The following CENPV variants were observed in gnomAD, a reference collection of about 807,000 sequenced individuals.
CENPV encodes centromere protein V, also known as nuclear protein p30.
A neutral mutation model predicts 26.4 loss-of-function variants in CENPV; 15 were observed. The observed-to-expected ratio is 0.57, with a 90% CI of 0.38 to 0.88. The LOEUF (loss-of-function observed/expected upper bound fraction) is 0.88. CENPV is among the 40% of genes least tolerant of loss of function. The pLI is 0.00. For missense variants in CENPV, 336 were observed against 376.5 expected, an observed-to-expected ratio of 0.89 and a Z score of 0.89; for synonymous variants, 172 against 165.5, an observed-to-expected ratio of 1.04 and a Z score of -0.30.
Position 16,352,965 on chromosome 17 carries a change from G to A in CENPV, c.410+62C>T, listed in dbSNP as rs1000581703. The A allele has an allele frequency of 4.1e-6, 6 of 1,459,940 alleles. No homozygotes were observed. In the Admixed American group the frequency reaches 1.0e-4, roughly 25 times the overall value. 90.4% of individuals were successfully genotyped at this position (1,459,940 alleles called of 1,614,324 possible). On this transcript the variant is annotated intron_variant, in intron 1 of 4. Coordinates refer to ENST00000299736, the MANE Select transcript of CENPV (RefSeq NM_181716.3). The stretch of plus-strand genomic sequence containing the variant: ...AGGCCTGCACGCGGGCTGCGAGCCC[G>A]ACTCCTGCCGAGGGGGTCCGCGTGG...
At chr17:16,349,680 C>T in intron 2 of CENPV, 2 of 1,246,992 alleles carry the variant, frequency 1.6e-6, no homozygotes, top group African/African-American at 1.6e-5. Flanking sequence ...GAGGGTGATG[C>T]TGCCACAAGC....
intron 2 of CENPV, chr17:16,349,449 T>C (rs2093220524): frequency 3.0e-6 from 3 of 986,134 alleles, no homozygotes; most frequent in African/African-American, 3.5e-5. Flanking sequence ...GTGGTACAAA[T>C]CAGGCCCTCC....
chr17:16,342,797 A>G lies in CENPV; in HGVS notation c.*20T>C. The G allele has an allele frequency of 6.2e-7, 1 of 1,613,246 alleles. No homozygotes were observed. Among genetic ancestry groups the G allele is most frequent in the African/African-American group, 1.3e-5 (1 of 74,848 alleles). On this transcript the variant is annotated 3_prime_UTR_variant, in exon 5 of 5. Coordinates refer to ENST00000299736, the MANE Select transcript of CENPV (RefSeq NM_181716.3). ...CTGGCCCCAATCATTCCTCCTTTTC[A>G]GGGCAGGAGAGGCAGAAGCTCACTC...
At chr17:16,349,847 C>G in intron 2 of CENPV, 84 bp downstream of exon 2, 1 of 1,550,064 alleles carries the variant, frequency 6.5e-7, no homozygotes, top group Non-Finnish European at 8.7e-7. Flanking sequence ...TTCCTCTGTA[C>G]CCCAACTCCC....
chr17:16,347,702 CAG>C (rs10607724), intron 3 of CENPV: 71,242 of 151,584 alleles, frequency 0.47, 17,125 homozygotes, highest in East Asian at 0.81. Context: ...TGCAATGATG[CAG>C]AGACAGTGAT....
At chr17:16,352,879 T>G (rs1600911677) in intron 1 of CENPV, 148 bp downstream of exon 1, 6 of 1,203,672 alleles carry the variant, frequency 5.0e-6, no homozygotes, top group Non-Finnish European at 6.5e-6. Flanking sequence ...ATAACCCCAG[T>G]GCTAACGGGG....
chr17:16,343,761 T>C (rs1283101746), intron 4 of CENPV, among the ~76,000 whole-genome samples: 5 of 151,670 alleles, frequency 3.3e-5, no homozygotes, highest in South Asian at 4.2e-4. Context: ...TGCCCTGCCC[T>C]GCCTCCCCCA....
At chr17:16,348,849 T>C (rs2093218441) in intron 2 of CENPV, 164 bp from the exon 3 acceptor site, 1 of 1,422,068 alleles carries the variant, frequency 7.0e-7, no homozygotes, top group Non-Finnish European at 9.2e-7. Context: ...GTGCCTCTGG[T>C]TTGCAGGTAC....
At chr17:16,348,595 A>G (rs779977221) in intron 3 of CENPV, 21 bp downstream of exon 3, 1 of 1,613,860 alleles carries the variant, frequency 6.2e-7, no homozygotes, top group South Asian at 1.1e-5. Flanking sequence ...GCACTCCTTG[A>G]CCCTGCTCTT....
At position 16,351,501 on chromosome 17, in the gene CENPV, T is replaced by C. The variant is rs536911990; in HGVS notation, c.411-1472A>G. Reference sequence around the variant, plus strand: ...ATTTTTTCTGCACACATAATGCTTATTGTAAAAACTCCAAACTTCACACTA... The same window carrying C: ...ATTTTTTCTGCACACATAATGCTTACTGTAAAAACTCCAAACTTCACACTA... On this transcript the variant is annotated intron_variant, in intron 1 of 4. Transcript: ENST00000299736. 7 of 152,346 alleles carry C rather than the reference T, an allele frequency of 4.6e-5. No homozygotes were observed. In the East Asian group the frequency reaches 9.6e-4, roughly 21 times the overall value. 9.4% of individuals were successfully genotyped at this position (152,346 alleles called of 1,614,324 possible).
At position 16,342,774 on chromosome 17, in the gene CENPV, G is replaced by A. The variant is rs765285345; in HGVS notation, c.*43C>T. On this transcript the variant is annotated 3_prime_UTR_variant, in exon 5 of 5. Transcript: ENST00000299736. ...GCACGGCAGGGAGAGCAAAGTTGCT[G>A]GCCCCAATCATTCCTCCTTTTCAGG... 3.1e-6 allele frequency: 5 copies of A among 1,612,594 alleles called. No homozygotes were observed. The highest frequency in any genetic ancestry group is 2.7e-5 in the African/African-American group (2 of 74,940).
Position 16,353,372 on chromosome 17 carries a change from G to GCGGAGGGCC in CENPV, c.64_65insGGCCCTCCG (p.Ser21_Ala22insGlyProSer). On this transcript the variant is annotated inframe_insertion, in exon 1 of 5. Coordinates refer to ENST00000299736, the MANE Select transcript of CENPV (RefSeq NM_181716.3). ...AGCGGCCGCGGAGGCCGCGGGGGCC[G>GCGGAGGGCC]CGGAGGCCCCGGACCGCTTCTGCCC... The GCGGAGGGCC allele has an allele frequency of 4.0e-6, 5 of 1,239,940 alleles. No individual in the cohort carries two copies. The highest frequency in any genetic ancestry group is 5.0e-6 in the Non-Finnish European group (5 of 994,358). The allele number at this position is 1,239,940 out of a possible 1,614,324, so 76.8% of individuals were successfully genotyped here.
At chr17:16,352,909 A>C (rs2142904352) in intron 1 of CENPV, 118 bp downstream of exon 1, 2 of 1,330,598 alleles carry the variant, frequency 1.5e-6, no homozygotes, top group South Asian at 3.6e-5. Flanking sequence ...CGGCTCCGTA[A>C]CGTGGAAGGC....
chr17:16,347,262 T>C (rs1035412204), intron 3 of CENPV, among the ~76,000 whole-genome samples: 2 of 152,130 alleles, frequency 1.3e-5, no homozygotes, highest in African/African-American at 2.4e-5. Flanking sequence ...AGGTTTCTTA[T>C]CCTTGTTAAC....
intron 3 of CENPV, among the ~76,000 whole-genome samples, chr17:16,346,846 GTTTT>G (rs1468161264): frequency 6.7e-6 from 1 of 149,012 alleles, no homozygotes; most frequent in Admixed American, 6.7e-5. Flanking sequence ...TGGTGTTTTT[GTTTT>G]GTTTTGTTTT....
At chr17:16,344,443 T>C (rs770245453) in intron 4 of CENPV, 154 bp downstream of exon 4, 1 of 398,918 alleles carries the variant, frequency 2.5e-6, no homozygotes, top group Admixed American at 4.5e-5. Context: ...CATTCTATCA[T>C]GTGGAAAGCG....
rs773521150 is a variant in CENPV at position 16,342,883 on chromosome 17, G to A, written c.753C>T (p.Phe251=). The change falls in exon 5 of 5, where the codon TTC becomes TTT. Residue 251 remains phenylalanine (F), a synonymous_variant. Transcript: ENST00000299736. ...TGGCCTTCTCCCAATCGCTGCCATTGAATTCCTCAGTGACCATACTCCGCA... is the reference window on the plus strand; with the variant it reads ...TGGCCTTCTCCCAATCGCTGCCATTAAATTCCTCAGTGACCATACTCCGCA... ...GTVRSMVTEE[F]NGSDWEKAMK... 1.9e-6 allele frequency: 3 copies of A among 1,614,040 alleles called. No individual in the cohort carries two copies. Among genetic ancestry groups the A allele is most frequent in the Non-Finnish European group, 2.5e-6 (3 of 1,180,038 alleles).
At chr17:16,346,153 G>C (rs2093205571) in intron 3 of CENPV, among the ~76,000 whole-genome samples, 1 of 152,144 alleles carries the variant, frequency 6.6e-6, no homozygotes. Context: ...TCAGTCACAG[G>C]AACAGGAATT....
At chr17:16,343,025 C>G (rs1033126458) in intron 4 of CENPV, 84 bp from the exon 5 acceptor site, 62 of 1,487,570 alleles carry the variant, frequency 4.2e-5, no homozygotes, top group Non-Finnish European at 5.3e-5. Flanking sequence ...AAGCCCCCAC[C>G]TGCAGGCATC....
Sources: gnomAD v4.1 joint callset for allele counts (sites outside exome capture counted in the v4.1 genomes callset) on GRCh38, gnomAD v4.1.1 for gene constraint, MANE v1.5 for transcripts, NCBI Gene and HGNC (gene_info 2026-07-23, HGNC 2026-07-21) for gene names.